The following LY75 variants were observed in gnomAD, a reference collection of about 807,000 sequenced individuals.
LY75 encodes the protein lymphocyte antigen 75.
In LY75, 185 loss-of-function variants were observed where a neutral mutation model predicts 231.7. The observed-to-expected ratio is 0.80, with a 90% CI of 0.71 to 0.90. The LOEUF (loss-of-function observed/expected upper bound fraction) is 0.90. Among genes scored for constraint, LY75 ranks in the 40% least tolerant of loss-of-function variants. LY75 has a pLI of 0.00. For synonymous variants in LY75, 668 were observed against 689.0 expected, an observed-to-expected ratio of 0.97 and a Z score of 0.48; for missense variants, 1,947 against 2,050.2, an observed-to-expected ratio of 0.95 and a Z score of 0.97.
intron 16 of LY75, among the ~76,000 whole-genome samples, 168 bp from the exon 17 acceptor site, chr2:159,855,107 C>A (rs1684511367): frequency 6.6e-6 from 1 of 152,050 alleles, no homozygotes; most frequent in Admixed American, 6.6e-5. Context: ...TTTGTAGGGC[C>A]GATGCTAAAC....
intron 12 of LY75, among the ~76,000 whole-genome samples, chr2:159,872,859 C>T (rs1209508806): frequency 1.3e-5 from 2 of 152,148 alleles, no homozygotes; most frequent in African/African-American, 2.4e-5. Flanking sequence ...ACAAGATCCA[C>T]GTTCTCCTGT....
At chr2:159,807,769 A>G (rs1426731239) in intron 33 of LY75, 8 of 947,324 alleles carry the variant, frequency 8.4e-6, no homozygotes, top group Non-Finnish European at 1.0e-5. Context: ...TTTGCATAAA[A>G]TGTGAAAAAC....
Position 159,882,152 on chromosome 2 carries a change from C to T in LY75, c.1218G>A (p.Glu406=), listed in dbSNP as rs780741069. Residue 406 remains glutamate, a synonymous_variant, in exon 7 of 35, where the codon GAG becomes GAA. Coordinates refer to ENST00000263636, the MANE Select transcript of LY75 (RefSeq NM_002349.4). ...CATTATGGAGTTTTGTGACAACCAC[C>T]TCCACATCTGCTAGAGAATGAATGC... ...LISIHSLADV[E]VVVTKLHNED... 1.9e-6 allele frequency: 3 copies of T among 1,613,226 alleles called. No individual in the cohort carries two copies. The Admixed American group carries it at 5.0e-5, about 27-fold the overall frequency.
chr2:159,884,576 T>C (rs1437138670), intron 6 of LY75, among the ~76,000 whole-genome samples: 1 of 152,170 alleles, frequency 6.6e-6, no homozygotes, highest in Admixed American at 6.6e-5. Flanking sequence ...CAGAGAAGGA[T>C]AGAAGAGGGC....
chr2:159,860,808 G>C lies in LY75; in HGVS notation c.2268+13C>G, dbSNP rs774274768. 3.1e-6 allele frequency: 5 copies of C among 1,613,644 alleles called. No individual in the cohort carries two copies. In the South Asian group the frequency reaches 5.5e-5, roughly 18 times the overall value. On this transcript the variant is annotated intron_variant, in intron 15 of 34. Transcript: ENST00000263636. ...ATGTTTTAAATATGCAGATTTTCCAGCATTGTACTGACCTTGACAGCAGCA... is the reference window on the plus strand; with the variant it reads ...ATGTTTTAAATATGCAGATTTTCCACCATTGTACTGACCTTGACAGCAGCA...
intron 11 of LY75, among the ~76,000 whole-genome samples, chr2:159,876,040 G>C (rs767694060): frequency 4.6e-5 from 7 of 152,094 alleles, no homozygotes; most frequent in Non-Finnish European, 8.8e-5. Flanking sequence ...ACTTTGAGCA[G>C]TTTTTAAGAA....
chr2:159,898,221 C>T (rs1012361355), intron 2 of LY75, among the ~76,000 whole-genome samples: 1 of 152,188 alleles, frequency 6.6e-6, no homozygotes, highest in Non-Finnish European at 1.5e-5. Context: ...CTCAAGTGAT[C>T]CTGCTGCCTC....
intron 33 of LY75, chr2:159,807,830 C>G: frequency 1.0e-6 from 1 of 974,378 alleles, no homozygotes. Context: ...CCAAGTTCAC[C>G]TAAACCCTGT....
At chr2:159,875,829 T>C (rs1685251393) in intron 11 of LY75, among the ~76,000 whole-genome samples, 186 bp from the exon 12 acceptor site, 1 of 152,150 alleles carries the variant, frequency 6.6e-6, no homozygotes, top group East Asian at 1.9e-4. Context: ...AAAGTACTTT[T>C]TGAAAAAGAT....
At position 159,874,893 on chromosome 2, in the gene LY75, A is replaced by G. The variant is rs1343011343; in HGVS notation, c.1974+551T>C. Among the ~76,000 whole-genome samples, 8 of 136,334 alleles carry G rather than the reference A, an allele frequency of 5.9e-5. 1 individual carries two copies. Among genetic ancestry groups the G allele is most frequent in the Admixed American group, 2.3e-4 (3 of 13,032 alleles). The allele number at this position is 136,334 out of a possible 152,430, so 89.4% of individuals were successfully genotyped here. On this transcript the variant is annotated intron_variant, in intron 12 of 34. Coordinates refer to ENST00000263636, the MANE Select transcript of LY75 (RefSeq NM_002349.4). ...ATATATATACATATATATTTTGTAAATATATAAACATATATATTTTATAAA... is the reference window on the plus strand; with the variant it reads ...ATATATATACATATATATTTTGTAAGTATATAAACATATATATTTTATAAA...
rs756854107 is a variant in LY75 at position 159,882,145 on chromosome 2, C to T, written c.1225G>A (p.Val409Ile). 4.3e-6 allele frequency: 7 copies of T among 1,612,578 alleles called. No individual in the cohort carries two copies. The highest frequency in any genetic ancestry group is 4.0e-5 in the African/African-American group (3 of 74,818). The part of the protein sequence containing the change: ...IHSLADVEVV[V>I]TKLHNEDIKE... ...TTACCCTCATTATGGAGTTTTGTGA[C>T]AACCACCTCCACATCTGCTAGAGAA... Residue 409 changes from valine to isoleucine, a missense_variant, in exon 7 of 35, where the codon GTC (valine) becomes ATC (isoleucine). By Grantham distance (29) the Val-to-Ile change is conservative. Coordinates refer to ENST00000263636, the MANE Select transcript of LY75 (RefSeq NM_002349.4).
At chr2:159,882,464 C>T (rs1009772836) in intron 6 of LY75, 149 bp from the exon 7 acceptor site, 4 of 1,075,168 alleles carry the variant, frequency 3.7e-6, no homozygotes, top group African/African-American at 1.6e-5. Context: ...TCATGTGGTG[C>T]CTACCACATA....
chr2:159,890,602 C>CAA (rs1685722533), intron 3 of LY75, among the ~76,000 whole-genome samples: 3 of 152,150 alleles, frequency 2.0e-5, no homozygotes. Context: ...ATTTTCCATT[C>CAA]TCCTTTTATC....
chr2:159,862,044 T>C (rs1684720088), intron 14 of LY75, among the ~76,000 whole-genome samples: 1 of 152,028 alleles, frequency 6.6e-6, no homozygotes, highest in East Asian at 1.9e-4. Context: ...CTCACACCTG[T>C]AATCCCAGCA....
rs1046788136 is a variant in LY75, at chr2:159,872,982, G to A, written c.1975-389C>T. On this transcript the variant is annotated intron_variant, in intron 12 of 34. Transcript: ENST00000263636. ...GAAATGTGCTAACAATAGAAATTTC[G>A]AATATAAGACACAGTGACCCACACA... 6.6e-5 allele frequency among the ~76,000 whole-genome samples: 10 copies of A among 152,216 alleles called. No homozygotes were observed. In the East Asian group the frequency reaches 9.6e-4, roughly 15 times the overall value.
chr2:159,870,750 A>G (rs943043575), intron 13 of LY75, among the ~76,000 whole-genome samples: 1 of 150,894 alleles, frequency 6.6e-6, no homozygotes, highest in African/African-American at 2.4e-5. Flanking sequence ...GGTTTCAAGC[A>G]ATCCTCTCAC....
rs370853974 is a variant in LY75 at position 159,835,671 on chromosome 2, G to C, written c.3508-26C>G. 1.7e-5 allele frequency: 27 copies of C among 1,606,458 alleles called. No homozygotes were observed. The African/African-American group carries it at 2.7e-4, about 16-fold the overall frequency. On this transcript the variant is annotated intron_variant, in intron 25 of 34. Coordinates refer to ENST00000263636, the MANE Select transcript of LY75 (RefSeq NM_002349.4). ...CTGTAAGGAGCAGAAGTACATTTCA[G>C]GTGGCAATATTGATGTTAACCCTTT...
At chr2:159,894,565 C>T (rs142808513) in intron 2 of LY75, among the ~76,000 whole-genome samples, 28 of 152,296 alleles carry the variant, frequency 1.8e-4, no homozygotes, top group African/African-American at 6.3e-4. Flanking sequence ...TTTGGAACCA[C>T]CTGCGGCATT....
Position 159,818,332 on chromosome 2 carries a change from G to A in LY75, c.4154-1300C>T, listed in dbSNP as rs577677993. 1.1e-4 allele frequency among the ~76,000 whole-genome samples: 17 copies of A among 152,296 alleles called. No individual in the cohort carries two copies. In the South Asian group the frequency reaches 3.5e-3, roughly 32 times the overall value. On this transcript the variant is annotated intron_variant, in intron 29 of 34. Coordinates refer to ENST00000263636, the MANE Select transcript of LY75 (RefSeq NM_002349.4). ...ATAAGTCATATGAATAGTACATGCT[G>A]TCCATGTGAAGTGAGAATGCTCCCT... is the stretch of plus-strand genomic sequence containing the variant.
Sources: allele counts gnomAD v4.1 joint callset (sites outside exome capture counted in the v4.1 genomes callset), GRCh38; gene constraint gnomAD v4.1.1; transcripts MANE v1.5; gene names NCBI Gene and HGNC (gene_info 2026-07-23, HGNC 2026-07-21).